The following DOCK4 variants were observed in gnomAD, a reference collection of about 807,000 sequenced individuals.
The protein encoded by DOCK4 is dedicator of cytokinesis 4, also known as dedicator of cytokinesis protein 4.
DOCK4 carries 97 observed loss-of-function variants against 268.1 expected under a neutral mutation model. That is an observed-to-expected ratio of 0.36 (90% CI 0.31 to 0.43). DOCK4 has a LOEUF of 0.43. Among genes scored for constraint, DOCK4 ranks in the 20% least tolerant of loss-of-function variants. The pLI is 1.00. For missense variants in DOCK4, 2,145 were observed against 2,455.7 expected (o/e 0.87, Z 2.67); for synonymous variants, 954 against 887.2 (o/e 1.08, Z -1.34).
At chr7:111,852,833 G>A (rs1337119800) in intron 23 of DOCK4, among the ~76,000 whole-genome samples, 1 of 152,180 alleles carries the variant, frequency 6.6e-6, no homozygotes, top group Admixed American at 6.5e-5. Flanking sequence ...TGGTTGATAT[G>A]CTAATTCTTA....
At chr7:111,909,854 C>T (rs1698307335) in intron 13 of DOCK4, among the ~76,000 whole-genome samples, 1 of 151,276 alleles carries the variant, frequency 6.6e-6, no homozygotes, top group Non-Finnish European at 1.5e-5. Flanking sequence ...CCCAGTTATT[C>T]AAGAGGCTAA....
At chr7:111,831,616 C>G (rs1802816376) in intron 26 of DOCK4, among the ~76,000 whole-genome samples, 1 of 151,996 alleles carries the variant, frequency 6.6e-6, no homozygotes, top group Admixed American at 6.6e-5. Context: ...TCTTGAGTAG[C>G]TGGGACTATA....
chr7:112,018,096 G>GGAGAATGGT (rs1179420089), intron 1 of DOCK4, among the ~76,000 whole-genome samples: 2 of 133,512 alleles, frequency 1.5e-5, no homozygotes, highest in African/African-American at 5.7e-5. Flanking sequence ...GGCTGAGGCA[G>GGAGAATGGT]GAGAATGGTG....
chr7:112,162,511 T>TTCTCTC (rs10551859), intron 1 of DOCK4, among the ~76,000 whole-genome samples: 15 of 140,628 alleles, frequency 1.1e-4, no homozygotes, highest in Admixed American at 9.3e-4. Context: ...GTCTCTTTCT[T>TTCTCTC]TCTCTCTCTC....
intron 25 of DOCK4, among the ~76,000 whole-genome samples, chr7:111,842,918 G>A (rs1803811029): frequency 6.6e-6 from 1 of 152,172 alleles, no homozygotes; most frequent in Admixed American, 6.5e-5. Context: ...CTGTTCCCCT[G>A]ATGAGTGGTA....
rs546596047 is a variant in DOCK4, at chr7:111,807,300, G to C, written c.3166+1521C>G. The stretch of plus-strand genomic sequence containing the variant: ...GCAATATGGACACTACAAGGGCCTT[G>C]ATCTTCTTTAGGAAAAACAAGGACA... On this transcript the variant is annotated intron_variant, in intron 30 of 52. Coordinates refer to ENST00000428084, the MANE Select transcript of DOCK4 (RefSeq NM_001363540.2). 3.2e-4 allele frequency among the ~76,000 whole-genome samples: 49 copies of C among 152,240 alleles called. 1 individual carries two copies. The South Asian group carries it at 1.0e-2, about 31-fold the overall frequency.
chr7:111,914,105 A>T (rs1792381669), intron 13 of DOCK4, among the ~76,000 whole-genome samples: 1 of 152,094 alleles, frequency 6.6e-6, no homozygotes, highest in African/African-American at 2.4e-5. Context: ...ATAAGATTCT[A>T]CAACTCCTCT....
intron 8 of DOCK4, among the ~76,000 whole-genome samples, chr7:111,948,879 C>G (rs1795832905): frequency 6.6e-6 from 1 of 151,120 alleles, no homozygotes; most frequent in Non-Finnish European, 1.5e-5. Context: ...CTGCGCCCAG[C>G]CAGTAGTTTT....
chr7:111,913,039 C>G (rs1174396869), intron 13 of DOCK4, among the ~76,000 whole-genome samples: 3 of 151,624 alleles, frequency 2.0e-5, no homozygotes, highest in Admixed American at 2.0e-4. Flanking sequence ...TCTTGGCTCA[C>G]TGCAACCTCC....
At chr7:111,849,233 TC>T (rs1804348469) in intron 23 of DOCK4, among the ~76,000 whole-genome samples, 1 of 151,688 alleles carries the variant, frequency 6.6e-6, no homozygotes, top group African/African-American at 2.4e-5. Context: ...ACAGTTTTGC[TC>T]CCTGAACTAT....
chr7:112,119,933 C>T (rs1159850865), intron 1 of DOCK4, among the ~76,000 whole-genome samples: 5 of 151,198 alleles, frequency 3.3e-5, no homozygotes, highest in Admixed American at 6.6e-5. Flanking sequence ...CTGCAACCTT[C>T]GCCTCCCAGG....
At chr7:112,200,641 G>T (rs571983667) in intron 1 of DOCK4, among the ~76,000 whole-genome samples, 1 of 142,666 alleles carries the variant, frequency 7.0e-6, no homozygotes, top group East Asian at 2.1e-4. Context: ...TTTTGGAAAA[G>T]AATAGAGCTA....
chr7:112,039,196 TTAAGTA>T (rs1156923490), intron 1 of DOCK4, among the ~76,000 whole-genome samples: 7 of 152,194 alleles, frequency 4.6e-5, no homozygotes, highest in African/African-American at 1.7e-4. Context: ...CATTCCACTC[TTAAGTA>T]TAAGTGATGT....
chr7:111,855,602 T>C (rs1260847324), intron 23 of DOCK4, among the ~76,000 whole-genome samples: 3 of 152,086 alleles, frequency 2.0e-5, no homozygotes, highest in Non-Finnish European at 4.4e-5. Flanking sequence ...CCTAGAAATA[T>C]AAATGTGAGA....
intron 25 of DOCK4, chr7:111,840,764 G>C (rs563052961): frequency 9.5e-5 from 122 of 1,288,894 alleles, no homozygotes; most frequent in Admixed American, 2.4e-4. Context: ...TTTACTCACA[G>C]TGTGTCTACT....
intron 1 of DOCK4, among the ~76,000 whole-genome samples, chr7:112,092,178 G>A (rs2135764998): frequency 6.6e-6 from 1 of 152,214 alleles, no homozygotes; most frequent in South Asian, 2.1e-4. Context: ...GGACTATCAT[G>A]AACCATTCCT....
At chr7:111,861,868 T>C (rs1016835268) in intron 23 of DOCK4, among the ~76,000 whole-genome samples, 42 of 151,572 alleles carry the variant, frequency 2.8e-4, no homozygotes, top group African/African-American at 1.0e-3. Flanking sequence ...GAAAAAACCA[T>C]ACTATATATT....
chr7:111,942,306 T>C (rs1233484290), intron 10 of DOCK4, among the ~76,000 whole-genome samples: 11 of 152,186 alleles, frequency 7.2e-5, no homozygotes, highest in Non-Finnish European at 1.2e-4. Flanking sequence ...TGAGGTACTG[T>C]TGCTCCTGCT....
At chr7:111,774,128 T>C (rs747074515) in intron 36 of DOCK4, among the ~76,000 whole-genome samples, 2 of 152,154 alleles carry the variant, frequency 1.3e-5, no homozygotes, top group African/African-American at 2.4e-5. Flanking sequence ...TATAACCATA[T>C]AATATGCAAT....
Sources: gnomAD v4.1 joint callset for allele counts (sites outside exome capture counted in the v4.1 genomes callset) on GRCh38, gnomAD v4.1.1 for gene constraint, MANE v1.5 for transcripts, NCBI Gene and HGNC (gene_info 2026-07-23, HGNC 2026-07-21) for gene names.